YY2: variants seen among roughly 807,000 people sequenced by gnomAD.
YY2 encodes the protein transcription factor YY2.
For synonymous variants in YY2, 157 were observed against 131.2 expected (o/e 1.20, Z -1.35); for missense variants, 254 against 305.3 (o/e 0.83, Z 1.25).
rs1047615799 is a variant in YY2 at position 21,856,503 on chromosome X, T to C, written c.19T>C (p.Phe7Leu). Residue 7 changes from phenylalanine to leucine, a missense_variant, in exon 1 of 1, where the codon TTC (phenylalanine) becomes CTC (leucine). Transcript: ENST00000429584. ...CTCAGCCATGGCCTCCAACGAAGAT[T>C]TCTCCATCACACAAGACCTGGAGAT... Reference protein sequence around the residue: MASNEDFSITQDLEIPA... With the variant: MASNEDLSITQDLEIPA... 5.0e-6 allele frequency: 6 copies of C among 1,206,394 alleles called. No homozygotes were observed. In the African/African-American group the frequency reaches 1.1e-4, roughly 21 times the overall value.
Position 21,857,254 on chromosome X carries a change from C to G in YY2, c.770C>G (p.Ser257Cys). ...KGEPPKTVPCSYSGCEKMFRD... is the reference protein window; with the variant it reads ...KGEPPKTVPCCYSGCEKMFRD... Reference sequence around the variant, plus strand: ...GAACCTCCCAAAACAGTCCCTTGCTCTTATAGCGGCTGCGAAAAGATGTTC... The same window carrying G: ...GAACCTCCCAAAACAGTCCCTTGCTGTTATAGCGGCTGCGAAAAGATGTTC... Residue 257 changes from serine (S) to cysteine (C), a missense_variant, in exon 1 of 1, where the codon TCT becomes TGT. Coordinates refer to ENST00000429584, the MANE Select transcript of YY2 (RefSeq NM_206923.4). 3.3e-6 allele frequency: 4 copies of G among 1,211,672 alleles called. No individual in the cohort carries two copies. Among genetic ancestry groups the G allele is most frequent in the Admixed American group, 2.2e-5 (1 of 46,044 alleles).
rs1323076263 is a variant in YY2 at position 21,856,219 on chromosome X, G to C, written c.-266G>C. Reference sequence around the variant, plus strand: ...GCCGACAGACGCGCCAGTTGCCTAGGCGCATGCGTCTGGCTATCCCAGAAG... The same window carrying C: ...GCCGACAGACGCGCCAGTTGCCTAGCCGCATGCGTCTGGCTATCCCAGAAG... On this transcript the variant is annotated 5_prime_UTR_variant, in exon 1 of 1. Coordinates refer to ENST00000429584, the MANE Select transcript of YY2 (RefSeq NM_206923.4). 3.1e-5 allele frequency: 11 copies of C among 356,318 alleles called. No homozygotes were observed. Among genetic ancestry groups the C allele is most frequent in the Non-Finnish European group, 4.9e-5 (10 of 206,099 alleles). 29.4% of individuals were successfully genotyped at this position (356,318 alleles called of 1,213,427 possible).
Position 21,856,233 on chromosome X carries a change from C to T in YY2, c.-252C>T, listed in dbSNP as rs2092921142. On this transcript the variant is annotated 5_prime_UTR_variant, in exon 1 of 1. Transcript: ENST00000429584. Reference sequence around the variant, plus strand: ...CAGTTGCCTAGGCGCATGCGTCTGGCTATCCCAGAAGCACCTGCGCCTTCC... The same window carrying T: ...CAGTTGCCTAGGCGCATGCGTCTGGTTATCCCAGAAGCACCTGCGCCTTCC... 2.6e-6 allele frequency: 1 copy of T among 385,589 alleles called. No homozygotes were observed. The highest frequency in any genetic ancestry group is 4.5e-6 in the Non-Finnish European group (1 of 223,518). The allele number at this position is 385,589 out of a possible 1,213,427, so 31.8% of individuals were successfully genotyped here.
At position 21,858,465 on chromosome X, in the gene YY2, A is replaced by G. The variant is rs1393158466; in HGVS notation, c.*862A>G. The G allele has an allele frequency of 8.1e-6, 1 of 123,414 alleles. No homozygotes were observed. The highest frequency in any genetic ancestry group is 1.9e-5 in the Non-Finnish European group (1 of 53,358). 10.2% of individuals were successfully genotyped at this position (123,414 alleles called of 1,213,427 possible). On this transcript the variant is annotated 3_prime_UTR_variant, in exon 1 of 1. Transcript: ENST00000429584. ...AGGAAAAAAGTAGTTTGCCTATATC[A>G]GTACAGAAGTTAGAACTAAAGAAAA...
Position 21,856,981 on chromosome X carries a change from C to T in YY2, c.497C>T (p.Thr166Met), listed in dbSNP as rs891364185. Residue 166 changes from threonine to methionine, a missense_variant, in exon 1 of 1, where the codon ACG (threonine) becomes ATG (methionine). By Grantham distance (81) the Thr-to-Met change is moderately conservative. Coordinates refer to ENST00000429584, the MANE Select transcript of YY2 (RefSeq NM_206923.4). ...NPAGSSSSLG[T>M]RKWEQKQMQV... The stretch of plus-strand genomic sequence containing the variant: ...GCAGGCAGCAGCTCCAGCCTGGGCA[C>T]GAGGAAGTGGGAGCAGAAGCAAATG... The T allele has an allele frequency of 8.3e-7, 1 of 1,211,785 alleles. No individual in the cohort carries two copies. Among genetic ancestry groups the T allele is most frequent in the African/African-American group, 1.7e-5 (1 of 57,738 alleles).
At position 21,857,237 on chromosome X, in the gene YY2, C is replaced by T; in HGVS notation, c.753C>T (p.Pro251=). Residue 251 remains proline (P), a synonymous_variant, in exon 1 of 1, where the codon CCC becomes CCT. Transcript: ENST00000429584. ...CCAAAAGGTCCAAAGGAGAACCTCC[C>T]AAAACAGTCCCTTGCTCTTATAGCG... ...VKPKRSKGEP[P]KTVPCSYSGC... 6.6e-6 allele frequency: 8 copies of T among 1,211,749 alleles called. No homozygotes were observed. Among genetic ancestry groups the T allele is most frequent in the Non-Finnish European group, 8.9e-6 (8 of 895,539 alleles).
chrX:21,857,321 G>T lies in YY2; in HGVS notation c.837G>T (p.Gly279=). Residue 279 remains glycine, a synonymous_variant, in exon 1 of 1, where the codon GGG becomes GGT. Coordinates refer to ENST00000429584, the MANE Select transcript of YY2 (RefSeq NM_206923.4). ...TGAGAAAACATCTCCACATCCACGGGCCCAGAGTCCACGTATGTGCAGAAT... is the reference window on the plus strand; with the variant it reads ...TGAGAAAACATCTCCACATCCACGGTCCCAGAGTCCACGTATGTGCAGAAT... ...AAMRKHLHIH[G]PRVHVCAECG... is the part of the protein sequence containing the mutation. 8.3e-7 allele frequency: 1 copy of T among 1,212,013 alleles called. No individual in the cohort carries two copies.
chrX:21,857,762 A>G lies in YY2; in HGVS notation c.*159A>G, dbSNP rs763964207. On this transcript the variant is annotated 3_prime_UTR_variant, in exon 1 of 1. Coordinates refer to ENST00000429584, the MANE Select transcript of YY2 (RefSeq NM_206923.4). ...TGTTTTGTTAGAGTAGTAAAAATAG[A>G]ATTTAAACGTTTTTAAAAAGGTAAA... 11 of 590,708 alleles carry G rather than the reference A, an allele frequency of 1.9e-5. No individual in the cohort carries two copies. The African/African-American group carries it at 2.3e-4, about 12-fold the overall frequency. The allele number at this position is 590,708 out of a possible 1,213,427, so 48.7% of individuals were successfully genotyped here.
At position 21,856,679 on chromosome X, in the gene YY2, C is replaced by G. The variant is rs1177087237; in HGVS notation, c.195C>G (p.Leu65=). 4 of 1,210,164 alleles carry G rather than the reference C, an allele frequency of 3.3e-6. No homozygotes were observed. Among genetic ancestry groups the G allele is most frequent in the Non-Finnish European group, 4.5e-6 (4 of 895,373 alleles). The part of the protein sequence containing the change: ...NHPPLMVLQP[L]FTNTGYGDHD... ...CGCCATTGATGGTGTTGCAGCCGCT[C>G]TTCACGAACACGGGCTATGGCGACC... Residue 65 remains leucine, a synonymous_variant, in exon 1 of 1, where the codon CTC becomes CTG. Coordinates refer to ENST00000429584, the MANE Select transcript of YY2 (RefSeq NM_206923.4).
rs771497913 is a variant in YY2 at position 21,857,605 on chromosome X, AAGG to A, written c.*5_*7del. ...GTGAAGACCAAAAACAACCCGTGAA[AAGG>A]AGAAGACCCCTCTCAGACTTGGGAA... On this transcript the variant is annotated 3_prime_UTR_variant, in exon 1 of 1. Transcript: ENST00000429584. The A allele has an allele frequency of 4.2e-6, 5 of 1,197,472 alleles. No homozygotes were observed. Among genetic ancestry groups the A allele is most frequent in the East Asian group, 3.0e-5 (1 of 33,598 alleles).
chrX:21,856,447 G>T lies in YY2; in HGVS notation c.-38G>T. 4 of 1,172,235 alleles carry T rather than the reference G, an allele frequency of 3.4e-6. No homozygotes were observed. Among genetic ancestry groups the T allele is most frequent in the Non-Finnish European group, 4.6e-6 (4 of 875,083 alleles). On this transcript the variant is annotated 5_prime_UTR_variant, in exon 1 of 1. Coordinates refer to ENST00000429584, the MANE Select transcript of YY2 (RefSeq NM_206923.4). Reference sequence around the variant, plus strand: ...CTCCCCTCAGCGTTCTTTTTCCCACGGTCTTCCCGTTGCCGCTAACCTAAC... The same window carrying T: ...CTCCCCTCAGCGTTCTTTTTCCCACTGTCTTCCCGTTGCCGCTAACCTAAC...
At position 21,856,751 on chromosome X, in the gene YY2, C is replaced by T. The variant is rs2092923274; in HGVS notation, c.267C>T (p.Gly89=). The change falls in exon 1 of 1, where the codon GGC becomes GGT. Residue 89 remains glycine (G), a synonymous_variant. Coordinates refer to ENST00000429584, the MANE Select transcript of YY2 (RefSeq NM_206923.4). ...LMLQTQEEVV[G]YCDSDNQLGN... is the part of the protein sequence containing the mutation. ...TGCAGACACAAGAGGAAGTGGTGGG[C>T]TATTGCGACTCAGACAACCAGCTAG... The T allele has an allele frequency of 8.3e-7, 1 of 1,210,026 alleles. No homozygotes were observed. Among genetic ancestry groups the T allele is most frequent in the African/African-American group, 1.7e-5 (1 of 57,156 alleles).
In YY2 at chrX:21,857,258, T is replaced by C. The variant is rs748022166; in HGVS notation, c.774T>C (p.Tyr258=). The change falls in exon 1 of 1, where the codon TAT becomes TAC. Residue 258 remains tyrosine, a synonymous_variant. Transcript: ENST00000429584. ...CTCCCAAAACAGTCCCTTGCTCTTA[T>C]AGCGGCTGCGAAAAGATGTTCCGGG... ...GEPPKTVPCS[Y]SGCEKMFRDY... 23 of 1,210,157 alleles carry C rather than the reference T, an allele frequency of 1.9e-5. No individual in the cohort carries two copies. In the Middle Eastern group the frequency reaches 6.9e-4, roughly 36 times the overall value.
Position 21,857,847 on chromosome X carries a change from AGTTTG to A in YY2, c.*247_*251del, listed in dbSNP as rs2092925546. 1.6e-5 allele frequency: 5 copies of A among 310,235 alleles called. No homozygotes were observed. Among genetic ancestry groups the A allele is most frequent in the Admixed American group, 5.9e-5 (1 of 16,989 alleles). 25.6% of individuals were successfully genotyped at this position (310,235 alleles called of 1,213,427 possible). A position where few individuals can be genotyped will look rare whatever the true frequency, so the allele number is the denominator to read the frequency against. ...GCTTGTTCTGTAACTATTTTTGTAA[AGTTTG>A]GTCCCAACAGGAGAAAAATTCGTAG... On this transcript the variant is annotated 3_prime_UTR_variant, in exon 1 of 1. Coordinates refer to ENST00000429584, the MANE Select transcript of YY2 (RefSeq NM_206923.4).
Position 21,857,328 on chromosome X carries a change from G to A in YY2, c.844G>A (p.Val282Ile), listed in dbSNP as rs1226981453. 2 of 1,212,113 alleles carry A rather than the reference G, an allele frequency of 1.7e-6. No homozygotes were observed. Among genetic ancestry groups the A allele is most frequent in the Admixed American group, 4.3e-5 (2 of 46,069 alleles). The change falls in exon 1 of 1, where the codon GTC becomes ATC. Residue 282 changes from valine to isoleucine, a missense_variant. Coordinates refer to ENST00000429584, the MANE Select transcript of YY2 (RefSeq NM_206923.4). ...ACATCTCCACATCCACGGGCCCAGAGTCCACGTATGTGCAGAATGTGGCAA... is the reference window on the plus strand; with the variant it reads ...ACATCTCCACATCCACGGGCCCAGAATCCACGTATGTGCAGAATGTGGCAA... ...RKHLHIHGPRVHVCAECGKAF... is the reference protein window; with the variant it reads ...RKHLHIHGPRIHVCAECGKAF...
rs768758825 is a variant in YY2 at position 21,857,626 on chromosome X, C to T, written c.*23C>T. 1 of 1,179,008 alleles carries T rather than the reference C, an allele frequency of 8.5e-7. No individual in the cohort carries two copies. Among genetic ancestry groups the T allele is most frequent in the Middle Eastern group, 2.4e-4 (1 of 4,179 alleles). ...TGAAAAGGAGAAGACCCCTCTCAGA[C>T]TTGGGAATTATCTTCCAGGACTGCG... On this transcript the variant is annotated 3_prime_UTR_variant, in exon 1 of 1. Coordinates refer to ENST00000429584, the MANE Select transcript of YY2 (RefSeq NM_206923.4).
At position 21,857,153 on chromosome X, in the gene YY2, G is replaced by C. The variant is rs776241984; in HGVS notation, c.669G>C (p.Gly223=). ...AAGGGAAGAAACTTCCTCCTGGGGG[G>C]TTACCAGGCATTGATCTCTCAGATC... ...YLKGKKLPPG[G]LPGIDLSDPK... The change falls in exon 1 of 1, where the codon GGG becomes GGC. Residue 223 remains glycine, a synonymous_variant. Coordinates refer to ENST00000429584, the MANE Select transcript of YY2 (RefSeq NM_206923.4). 8.8e-5 allele frequency: 107 copies of C among 1,210,053 alleles called. 1 individual carries two copies. The South Asian group carries it at 1.7e-3, about 19-fold the overall frequency.
Position 21,856,907 on chromosome X carries a change from C to G in YY2, c.423C>G (p.Pro141=). ...STSTQSRSKK[P]SKKPSGKSAT... ...CAACCCAGAGCCGCAGCAAAAAGCC[C>G]AGCAAAAAGCCCAGCGGCAAGAGTG... is the stretch of plus-strand genomic sequence containing the variant. Residue 141 remains proline (P), a synonymous_variant, in exon 1 of 1, where the codon CCC becomes CCG. Coordinates refer to ENST00000429584, the MANE Select transcript of YY2 (RefSeq NM_206923.4). The G allele has an allele frequency of 8.3e-7, 1 of 1,211,844 alleles. No homozygotes were observed. The highest frequency in any genetic ancestry group is 1.1e-6 in the Non-Finnish European group (1 of 895,568).
At position 21,857,749 on chromosome X, in the gene YY2, G is replaced by A; in HGVS notation, c.*146G>A. On this transcript the variant is annotated 3_prime_UTR_variant, in exon 1 of 1. Coordinates refer to ENST00000429584, the MANE Select transcript of YY2 (RefSeq NM_206923.4). Reference sequence around the variant, plus strand: ...CATTTAAGGTTCGTGTTTTGTTAGAGTAGTAAAAATAGAATTTAAACGTTT... The same window carrying A: ...CATTTAAGGTTCGTGTTTTGTTAGAATAGTAAAAATAGAATTTAAACGTTT... 1 of 670,678 alleles carries A rather than the reference G, an allele frequency of 1.5e-6. No individual in the cohort carries two copies. The highest frequency in any genetic ancestry group is 3.5e-5 in the East Asian group (1 of 28,746). 55.3% of individuals were successfully genotyped at this position (670,678 alleles called of 1,213,427 possible). A position where few individuals can be genotyped will look rare whatever the true frequency, so the allele number is the denominator to read the frequency against.
Sources: allele counts gnomAD v4.1 joint callset, GRCh38; gene constraint gnomAD v4.1.1; transcripts MANE v1.5; gene names NCBI Gene and HGNC (gene_info 2026-07-23, HGNC 2026-07-21).